TP73: variants seen among roughly 807,000 people sequenced by gnomAD.
TP73 encodes p53-like transcription factor.
Under a neutral mutation model 62.5 loss-of-function variants are expected in TP73, and 25 were observed. The ratio of observed to expected loss-of-function variants is 0.40; its 90% CI spans 0.29 to 0.56. The LOEUF (loss-of-function observed/expected upper bound fraction) is 0.56. TP73 is among the 20% of genes least tolerant of loss of function. TP73 has a pLI of 0.46. For missense variants in TP73, 754 were observed against 913.3 expected (o/e 0.83, Z 2.25); for synonymous variants, 423 against 377.5 (o/e 1.12, Z -1.40).
At chr1:3,668,447 C>A (rs1221235970) in intron 1 of TP73, among the ~76,000 whole-genome samples, 1 of 151,826 alleles carries the variant, frequency 6.6e-6, no homozygotes, top group Non-Finnish European at 1.5e-5. Context: ...AATCCTCTGA[C>A]CAGCATTAAA....
Position 3,727,652 on chromosome 1 carries a change from C to CT in TP73, c.870dup (p.Glu291Ter). ...GTGGGCAGGTGCTGGGCCGCCGGTC[C>CT]TTTGAGGGCCGCATCTGCGCCTGTC... On this transcript the variant is annotated frameshift_variant, in exon 8 of 14. Coordinates refer to ENST00000378295, the MANE Select transcript of TP73 (RefSeq NM_005427.4). LOFTEE classifies it high-confidence loss of function. 1 of 1,600,866 alleles carries CT rather than the reference C, an allele frequency of 6.2e-7. No individual in the cohort carries two copies. Among genetic ancestry groups the CT allele is most frequent in the Non-Finnish European group, 8.5e-7 (1 of 1,176,248 alleles).
chr1:3,716,593 GCCC>G (rs1640614841), intron 4 of TP73, among the ~76,000 whole-genome samples: 2 of 152,212 alleles, frequency 1.3e-5, no homozygotes, highest in African/African-American at 2.4e-5. Flanking sequence ...ATCTGTCAGA[GCCC>G]AGCCTGTGCT....
rs992598227 is a variant in TP73 at position 3,666,738 on chromosome 1, C to CAT, written c.-34+14098_-34+14099dup. 5.3e-5 allele frequency among the ~76,000 whole-genome samples: 8 copies of CAT among 152,156 alleles called. No homozygotes were observed. The highest frequency in any genetic ancestry group is 2.0e-4 in the Admixed American group (3 of 15,274). On this transcript the variant is annotated intron_variant, in intron 1 of 13. Coordinates refer to ENST00000378295, the MANE Select transcript of TP73 (RefSeq NM_005427.4). This position sits in a 1 kb window ranked among gnomAD's most constrained non-coding sequence, Gnocchi z 6.4. ...GCCCTTCAGCTCGGAAGTGAGTAAGCATTGGCGGTGGGGATGGTGCTCTGA... is the reference window on the plus strand; with the variant it reads ...GCCCTTCAGCTCGGAAGTGAGTAAGCATATTGGCGGTGGGGATGGTGCTCTGA...
rs1004489127 is a variant in TP73 at position 3,718,757 on chromosome 1, G to A, written c.430-3264G>A. Among the ~76,000 whole-genome samples the A allele has an allele frequency of 2.0e-5, 3 of 152,298 alleles. No individual in the cohort carries two copies. In the East Asian group the frequency reaches 5.8e-4, roughly 29 times the overall value. ...CCCCCTGAGTGTCTGGGGCTCCTTG[G>A]TGGATCTAATGACCCCCATCTCAGG... On this transcript the variant is annotated intron_variant, in intron 4 of 13. Transcript: ENST00000378295.
intron 3 of TP73, among the ~76,000 whole-genome samples, chr1:3,700,973 C>T (rs190530392): frequency 5.6e-4 from 86 of 152,326 alleles, no homozygotes; most frequent in African/African-American, 1.9e-3. Context: ...TTTCAAGGGG[C>T]TGTCCCCGCC....
At position 3,720,525 on chromosome 1, in the gene TP73, G is replaced by A. The variant is rs534185200; in HGVS notation, c.430-1496G>A. Among the ~76,000 whole-genome samples, 5 of 152,316 alleles carry A rather than the reference G, an allele frequency of 3.3e-5. No individual in the cohort carries two copies. In the East Asian group the frequency reaches 9.6e-4, roughly 29 times the overall value. On this transcript the variant is annotated intron_variant, in intron 4 of 13. Coordinates refer to ENST00000378295, the MANE Select transcript of TP73 (RefSeq NM_005427.4). ...AGGGACAGACCAGCGTTCCTGGCTG[G>A]GTCTCATTCGGGGAGCCCAAGTAGC... is the stretch of plus-strand genomic sequence containing the variant.
intron 1 of TP73, among the ~76,000 whole-genome samples, chr1:3,679,199 G>A (rs909837534): frequency 6.6e-6 from 1 of 152,172 alleles, no homozygotes. Flanking sequence ...GGGAAGAGAG[G>A]GTGTCGCTTC....
Position 3,672,573 on chromosome 1 carries a change from G to T in TP73, c.-33-9760G>T, listed in dbSNP as rs1355156616. Among the ~76,000 whole-genome samples, 1 of 152,048 alleles carries T rather than the reference G, an allele frequency of 6.6e-6. No individual in the cohort carries two copies. The highest frequency in any genetic ancestry group is 2.4e-5 in the African/African-American group (1 of 41,392). ...GACACCCACTCTGGCCATAAGCTCCGCTCTGTCCCAGCCCTGGACCCCTCA... is the reference window on the plus strand; with the variant it reads ...GACACCCACTCTGGCCATAAGCTCCTCTCTGTCCCAGCCCTGGACCCCTCA... On this transcript the variant is annotated intron_variant, in intron 1 of 13. Coordinates refer to ENST00000378295, the MANE Select transcript of TP73 (RefSeq NM_005427.4). The surrounding 1 kb of genome is among the most constrained non-coding windows in gnomAD (Gnocchi z 5.3).
In TP73 at chr1:3,663,669, T is replaced by C. The variant is rs1645046726; in HGVS notation, c.-34+11028T>C. On this transcript the variant is annotated intron_variant, in intron 1 of 13. Transcript: ENST00000378295. This position sits in a 1 kb window ranked among gnomAD's most constrained non-coding sequence, Gnocchi z 4.7. Reference sequence around the variant, plus strand: ...AGGTGGAGCTTGCAGTGAGCCAAGATCGTGCAACAATGCGAGACTCCATCT... The same window carrying C: ...AGGTGGAGCTTGCAGTGAGCCAAGACCGTGCAACAATGCGAGACTCCATCT... Among the ~76,000 whole-genome samples the C allele has an allele frequency of 6.8e-6, 1 of 147,938 alleles. No individual in the cohort carries two copies. The highest frequency in any genetic ancestry group is 2.5e-5 in the African/African-American group (1 of 39,882).
At chr1:3,698,750 G>A (rs188957622) in intron 3 of TP73, among the ~76,000 whole-genome samples, 481 of 152,264 alleles carry the variant, frequency 3.2e-3, no homozygotes, top group Non-Finnish European at 5.1e-3. Flanking sequence ...GGCCCGGGGG[G>A]CACCAGGCTA....
At chr1:3,690,866 C>T (rs1399128107) in intron 3 of TP73, 4 of 1,561,100 alleles carry the variant, frequency 2.6e-6, no homozygotes, top group South Asian at 1.2e-5. Context: ...TCCCACGGGA[C>T]ACCAGTTCCC....
chr1:3,710,364 T>G (rs894913634), intron 4 of TP73, among the ~76,000 whole-genome samples: 3 of 152,120 alleles, frequency 2.0e-5, no homozygotes, highest in Non-Finnish European at 4.4e-5. Context: ...CAGGGCTTCT[T>G]TCCTTGCCCA....
chr1:3,716,419 G>A (rs144603488), intron 4 of TP73, among the ~76,000 whole-genome samples: 79 of 152,352 alleles, frequency 5.2e-4, no homozygotes, highest in African/African-American at 1.8e-3. Flanking sequence ...GGATGTCCTG[G>A]TGAGTGAGCC....
intron 3 of TP73, among the ~76,000 whole-genome samples, chr1:3,702,479 GC>G (rs1029716761): frequency 1.3e-5 from 2 of 152,066 alleles, no homozygotes; most frequent in Non-Finnish European, 1.5e-5. Flanking sequence ...CCAGCCCCCA[GC>G]CCCCAGCCCC....
intron 4 of TP73, among the ~76,000 whole-genome samples, chr1:3,717,369 G>A (rs1256596638): frequency 6.6e-6 from 1 of 152,226 alleles, no homozygotes; most frequent in Non-Finnish European, 1.5e-5. Context: ...GCAGCGTGGG[G>A]AGGGATGGGC....
chr1:3,688,131 G>A (rs1368822215), intron 3 of TP73, among the ~76,000 whole-genome samples: 2 of 152,114 alleles, frequency 1.3e-5, no homozygotes. Context: ...GTGGGAGCAG[G>A]GAGGGGGCTC....
intron 13 of TP73, among the ~76,000 whole-genome samples, chr1:3,732,525 A>G (rs1196701601): frequency 6.6e-6 from 1 of 152,106 alleles, no homozygotes; most frequent in Non-Finnish European, 1.5e-5. Context: ...GGCCAGGTAG[A>G]TGCTCAGGGG....
intron 3 of TP73, among the ~76,000 whole-genome samples, chr1:3,688,930 T>G (rs1182684664): frequency 6.6e-6 from 1 of 152,150 alleles, no homozygotes; most frequent in African/African-American, 2.4e-5. Flanking sequence ...AGGCCGGCCC[T>G]GTGCATGGGA....
chr1:3,707,691 C>G lies in TP73; in HGVS notation c.329C>G (p.Ser110Trp), dbSNP rs372189156. 2.5e-6 allele frequency: 4 copies of G among 1,613,288 alleles called. No individual in the cohort carries two copies. Among genetic ancestry groups the G allele is most frequent in the Non-Finnish European group, 3.4e-6 (4 of 1,179,970 alleles). ...AQPSSTFDTM[S>W]PAPVIPSNTD... ...CCCAGCTCCACCTTCGACACCATGT[C>G]GCCGGCGCCTGTCATCCCCTCCAAC... Residue 110 changes from serine (S) to tryptophan (W), a missense_variant, in exon 4 of 14, where the codon TCG becomes TGG. Ser to Trp is a radical substitution (Grantham distance 177, BLOSUM62 -3). Coordinates refer to ENST00000378295, the MANE Select transcript of TP73 (RefSeq NM_005427.4).
Sources: gnomAD v4.1 joint callset for allele counts (sites outside exome capture counted in the v4.1 genomes callset) on GRCh38, gnomAD v4.1.1 for gene constraint, Gnocchi (gnomAD v3.1) non-coding constraint, MANE v1.5 for transcripts, NCBI Gene and HGNC (gene_info 2026-07-23, HGNC 2026-07-21) for gene names.